Variants in AKAP13 observed in about 807,000 individuals in gnomAD.
AKAP13 encodes A-kinase anchor protein 13.
AKAP13 carries 80 observed loss-of-function variants against 264.5 expected under a neutral mutation model. That is an observed-to-expected ratio of 0.30 (90% CI 0.25 to 0.36). The LOEUF (loss-of-function observed/expected upper bound fraction) is 0.36, where lower values mean the gene tolerates loss of function less well. AKAP13 is among the 10% of genes least tolerant of loss of function. AKAP13 has a pLI of 1.00. For missense variants in AKAP13, 3,712 were observed against 3,435.2 expected (o/e 1.08, Z -2.01); for synonymous variants, 1,380 against 1,250.2 (o/e 1.10, Z -2.19).
At chr15:85,503,136 G>A (rs2076081859) in intron 2 of AKAP13, among the ~76,000 whole-genome samples, 1 of 152,058 alleles carries the variant, frequency 6.6e-6, no homozygotes, top group Non-Finnish European at 1.5e-5. Context: ...GGATTAAATG[G>A]CAACCTTAAT....
At position 85,555,470 on chromosome 15, in the gene AKAP13, C is replaced by T. The variant is rs765565500; in HGVS notation, c.662+11515C>T. On this transcript the variant is annotated intron_variant, in intron 5 of 36. Coordinates refer to ENST00000394518, the MANE Select transcript of AKAP13 (RefSeq NM_007200.5). ...TAAAAGAGGATGGGCTTGCGATATT[C>T]GGGGTGCTTGGGCAGCCATGTGTGA... 39 of 1,288,434 alleles carry T rather than the reference C, an allele frequency of 3.0e-5. No individual in the cohort carries two copies. In the African/African-American group the frequency reaches 3.3e-4, roughly 11 times the overall value. 79.8% of individuals were successfully genotyped at this position (1,288,434 alleles called of 1,614,324 possible).
chr15:85,664,893 C>G, intron 13 of AKAP13, 138 bp downstream of exon 13: 1 of 812,172 alleles, frequency 1.2e-6, no homozygotes, highest in South Asian at 2.1e-5. Context: ...AGCACTAAAC[C>G]AAGTGTTTAG....
At chr15:85,691,157 G>A (rs2085261642) in intron 16 of AKAP13, among the ~76,000 whole-genome samples, 1 of 152,214 alleles carries the variant, frequency 6.6e-6, no homozygotes, top group African/African-American at 2.4e-5. Flanking sequence ...CATGATCACT[G>A]ACTTGGGACA....
chr15:85,504,503 CAAAAAAAAAAAAA>C (rs566579814), intron 2 of AKAP13, among the ~76,000 whole-genome samples: 44 of 91,050 alleles, frequency 4.8e-4, no homozygotes, highest in African/African-American at 1.3e-3. Context: ...CCTGTCTTTA[CAAAAAAAAAAAAA>C]AAAAAAAAAA....
Position 85,745,730 on chromosome 15 carries a change from G to C in AKAP13, c.*1053G>C, listed in dbSNP as rs1159057023. The C allele has an allele frequency of 1.3e-5, 2 of 152,368 alleles. No individual in the cohort carries two copies. The highest frequency in any genetic ancestry group is 2.9e-5 in the Non-Finnish European group (2 of 68,146). 9.4% of individuals were successfully genotyped at this position (152,368 alleles called of 1,614,324 possible). On this transcript the variant is annotated 3_prime_UTR_variant, in exon 37 of 37. Coordinates refer to ENST00000394518, the MANE Select transcript of AKAP13 (RefSeq NM_007200.5). ...GAAGCTGTGCTCTGAAGCTAGGACA[G>C]CTGGCTGAGAAGTGGGTTCAGGCGA...
intron 14 of AKAP13, among the ~76,000 whole-genome samples, chr15:85,671,433 C>CAAAAA (rs11296113): frequency 5.7e-5 from 4 of 70,560 alleles, no homozygotes; most frequent in Non-Finnish European, 1.2e-4. Flanking sequence ...GACACTGCCT[C>CAAAAA]AAAAAAAAAA....
At position 85,581,396 on chromosome 15, in the gene AKAP13, C is replaced by T. The variant is rs142529641; in HGVS notation, c.3328C>T (p.His1110Tyr). The T allele has an allele frequency of 3.8e-5, 62 of 1,614,088 alleles. No individual in the cohort carries two copies. The Middle Eastern group carries it at 4.9e-4, about 13-fold the overall frequency. ...MAEPRRENISHNTQDILIPNV... is the reference protein window; with the variant it reads ...MAEPRRENISYNTQDILIPNV... Reference sequence around the variant, plus strand: ...TGAGCCCAGAAGAGAGAATATATCACACAACACCCAAGACATCCTGATTCC... The same window carrying T: ...TGAGCCCAGAAGAGAGAATATATCATACAACACCCAAGACATCCTGATTCC... The change falls in exon 7 of 37, where the codon CAC becomes TAC. Residue 1110 changes from histidine to tyrosine, a missense_variant. Transcript: ENST00000394518.
chr15:85,710,611 A>G lies in AKAP13; in HGVS notation c.5565A>G (p.Thr1855=). 6.2e-7 allele frequency: 1 copy of G among 1,614,016 alleles called. No individual in the cohort carries two copies. Among genetic ancestry groups the G allele is most frequent in the South Asian group, 1.1e-5 (1 of 91,066 alleles). ...QPKGSLQAHD[T]SSLPTVIMRN... Reference sequence around the variant, plus strand: ...AAGGGAGCCTTCAGGCACATGACACATCATCACTGCCCACGGTCATTATGA... The same window carrying G: ...AAGGGAGCCTTCAGGCACATGACACGTCATCACTGCCCACGGTCATTATGA... The change falls in exon 19 of 37, where the codon ACA becomes ACG. Residue 1855 remains threonine (T), a synonymous_variant. Transcript: ENST00000394518.
chr15:85,480,000 T>C (rs897855938), intron 1 of AKAP13, among the ~76,000 whole-genome samples: 6 of 152,324 alleles, frequency 3.9e-5, no homozygotes, highest in African/African-American at 1.2e-4. Context: ...AGTTGTGATG[T>C]ATTGAATGAC....
At chr15:85,562,339 C>T (rs565796473) in intron 5 of AKAP13, among the ~76,000 whole-genome samples, 135 of 151,562 alleles carry the variant, frequency 8.9e-4, no homozygotes, top group Non-Finnish European at 1.1e-3. Flanking sequence ...CCGAGGCGTG[C>T]GGATCACCTG....
intron 5 of AKAP13, among the ~76,000 whole-genome samples, chr15:85,568,055 G>A (rs2151282811): frequency 6.6e-6 from 1 of 151,952 alleles, no homozygotes; most frequent in South Asian, 2.1e-4. Context: ...GACTGAGGCA[G>A]GCAGATTGCT....
chr15:85,646,043 T>G, intron 10 of AKAP13, 89 bp downstream of exon 10: 1 of 1,501,484 alleles, frequency 6.7e-7, no homozygotes, highest in African/African-American at 1.4e-5. Context: ...TTTTTCCCCC[T>G]CTTGTGCTCT....
chr15:85,536,878 GT>G (rs1172338920), intron 4 of AKAP13: 3 of 152,190 alleles, frequency 2.0e-5, no homozygotes, highest in African/African-American at 7.2e-5. Context: ...TGTTGGAGTT[GT>G]TTTGTCTTGT....
chr15:85,613,696 A>ATGTGTGTGTATATATATG (rs1567155725), intron 8 of AKAP13, among the ~76,000 whole-genome samples: 15 of 86,256 alleles, frequency 1.7e-4, no homozygotes, highest in South Asian at 1.2e-3. Flanking sequence ...AAAAAAATAT[A>ATGTGTGTGTATATATATG]TATATATATA....
At chr15:85,685,746 G>A (rs1179038963) in intron 16 of AKAP13, among the ~76,000 whole-genome samples, 2 of 152,088 alleles carry the variant, frequency 1.3e-5, no homozygotes, top group Non-Finnish European at 2.9e-5. Flanking sequence ...CTCGCTGCAG[G>A]CTTCCGAAGC....
At chr15:85,738,468 G>GT (rs2088703694) in intron 33 of AKAP13, among the ~76,000 whole-genome samples, 1 of 151,926 alleles carries the variant, frequency 6.6e-6, no homozygotes, top group African/African-American at 2.4e-5. Flanking sequence ...TTTGTGTTTT[G>GT]TTTTTAAATG....
chr15:85,392,015 C>T (rs1281363153), intron 1 of AKAP13, among the ~76,000 whole-genome samples: 2 of 151,422 alleles, frequency 1.3e-5, no homozygotes, highest in Non-Finnish European at 2.9e-5. Context: ...GAACTCCTGA[C>T]CTCGTGATCC....
chr15:85,677,367 G>A (rs186146318), intron 14 of AKAP13, among the ~76,000 whole-genome samples: 65 of 152,340 alleles, frequency 4.3e-4, no homozygotes, highest in African/African-American at 1.5e-3. Flanking sequence ...CCTCAAAGGT[G>A]TAGGGGGTGT....
intron 1 of AKAP13, among the ~76,000 whole-genome samples, chr15:85,398,193 A>G (rs1021777196): frequency 2.0e-5 from 3 of 152,102 alleles, no homozygotes; most frequent in African/African-American, 7.3e-5. Context: ...GCAGAACTTT[A>G]TGTAACTTTG....
Sources: gnomAD v4.1 joint callset for allele counts (sites outside exome capture counted in the v4.1 genomes callset) on GRCh38, gnomAD v4.1.1 for gene constraint, MANE v1.5 for transcripts, NCBI Gene and HGNC (gene_info 2026-07-23, HGNC 2026-07-21) for gene names.